Variants in QKI observed in about 807,000 individuals in gnomAD.
The protein encoded by QKI is QKI, KH domain containing RNA binding, also known as KH domain-containing RNA-binding protein QKI.
A neutral mutation model predicts 39.0 loss-of-function variants in QKI; 10 were observed. The ratio of observed to expected loss-of-function variants is 0.26; its 90% CI spans 0.16 to 0.43. The LOEUF (loss-of-function observed/expected upper bound fraction) is 0.43, where lower values mean the gene tolerates loss of function less well. Among genes scored for constraint, QKI ranks in the 20% least tolerant of loss-of-function variants. The pLI, the probability that QKI is intolerant of heterozygous loss-of-function variation, is 1.00. For missense variants in QKI, 218 were observed against 428.0 expected (o/e 0.51, Z 4.33); for synonymous variants, 204 against 155.4 (o/e 1.31, Z -2.33).
intron 3 of QKI, among the ~76,000 whole-genome samples, chr6:163,521,190 G>A (rs1780135711): frequency 6.6e-6 from 1 of 152,096 alleles, no homozygotes; most frequent in South Asian, 2.1e-4. Context: ...CAGCCCATGA[G>A]TATAGAGGTA....
chr6:163,437,227 G>A (rs1789374576), intron 1 of QKI, among the ~76,000 whole-genome samples: 1 of 152,102 alleles, frequency 6.6e-6, no homozygotes, highest in South Asian at 2.1e-4. Flanking sequence ...GCAATTTAAC[G>A]TGTAACACGA....
rs1008071661 is a variant in QKI, at chr6:163,576,686, C to T, written c.*5976C>T. 6 of 152,100 alleles carry T rather than the reference C, an allele frequency of 3.9e-5. No individual in the cohort carries two copies. The highest frequency in any genetic ancestry group is 1.2e-4 in the African/African-American group (5 of 41,402). The allele number at this position is 152,100 out of a possible 1,614,324, so 9.4% of individuals were successfully genotyped here. Reference sequence around the variant, plus strand: ...CCAACTGGAAAAAGTGCATGTGCTTCATCCTCTCAAGCCAACTGCAGCTGG... The same window carrying T: ...CCAACTGGAAAAAGTGCATGTGCTTTATCCTCTCAAGCCAACTGCAGCTGG... On this transcript the variant is annotated 3_prime_UTR_variant, in exon 8 of 8. Coordinates refer to ENST00000361752, the MANE Select transcript of QKI (RefSeq NM_006775.3).
chr6:163,490,109 T>G (rs1777961611), intron 3 of QKI, among the ~76,000 whole-genome samples: 1 of 152,184 alleles, frequency 6.6e-6, no homozygotes, highest in South Asian at 2.1e-4. Context: ...GAATTCGCTA[T>G]GAAAACAGAT....
intron 1 of QKI, among the ~76,000 whole-genome samples, chr6:163,439,144 C>T (rs1789538276): frequency 6.6e-6 from 1 of 152,128 alleles, no homozygotes; most frequent in Non-Finnish European, 1.5e-5. Context: ...TGGGCAAGGG[C>T]TGTATGGCTT....
At chr6:163,481,041 A>C (rs1793039261) in intron 3 of QKI, among the ~76,000 whole-genome samples, 1 of 152,168 alleles carries the variant, frequency 6.6e-6, no homozygotes, top group Admixed American at 6.5e-5. Context: ...GCACTCTTAT[A>C]AGTGTTTATA....
chr6:163,452,328 C>G (rs1277255013), intron 1 of QKI, among the ~76,000 whole-genome samples: 1 of 152,120 alleles, frequency 6.6e-6, no homozygotes, highest in African/African-American at 2.4e-5. Flanking sequence ...TCATTCCCAT[C>G]ATTACTATCT....
At chr6:163,427,183 C>G (rs897460933) in intron 1 of QKI, among the ~76,000 whole-genome samples, 3 of 145,320 alleles carry the variant, frequency 2.1e-5, no homozygotes, top group African/African-American at 7.6e-5. Context: ...AAAATTCATT[C>G]ATTCATTTTT....
rs978887025 is a variant in QKI at position 163,488,990 on chromosome 6, T to A, written c.402+10094T>A. Among the ~76,000 whole-genome samples, 8 of 149,502 alleles carry A rather than the reference T, an allele frequency of 5.4e-5. No individual in the cohort carries two copies. In the South Asian group the frequency reaches 6.4e-4, roughly 12 times the overall value. On this transcript the variant is annotated intron_variant, in intron 3 of 7. Coordinates refer to ENST00000361752, the MANE Select transcript of QKI (RefSeq NM_006775.3). ...TTCCATTTCTTTTTTTTTTTTTTTT[T>A]AAACATAAACAGTTATGTAACAGTT...
intron 3 of QKI, 155 bp from the exon 4 acceptor site, chr6:163,534,827 C>T (rs933068452): frequency 1.7e-6 from 1 of 578,274 alleles, no homozygotes; most frequent in African/African-American, 1.9e-5. Flanking sequence ...TTCAATCAAA[C>T]TTTGAGGACC....
At chr6:163,479,742 C>CATTTACTT (rs1342037841) in intron 3 of QKI, among the ~76,000 whole-genome samples, 2 of 152,184 alleles carry the variant, frequency 1.3e-5, no homozygotes, top group Non-Finnish European at 2.9e-5. Flanking sequence ...CTTCCTTTGT[C>CATTTACTT]ATTTACTTTT....
intron 1 of QKI, among the ~76,000 whole-genome samples, chr6:163,434,500 G>A (rs191647456): frequency 1.8e-4 from 28 of 152,156 alleles, no homozygotes; most frequent in Non-Finnish European, 7.4e-5. Context: ...CGGATCATGA[G>A]GTCAGGAGAT....
chr6:163,445,527 T>C (rs1239960566), intron 1 of QKI, among the ~76,000 whole-genome samples: 1 of 152,208 alleles, frequency 6.6e-6, no homozygotes, highest in Non-Finnish European at 1.5e-5. Flanking sequence ...TGTGTTCTCA[T>C]GATTATAATG....
chr6:163,568,735 C>T (rs1276623183), intron 7 of QKI: 2 of 985,054 alleles, frequency 2.0e-6, no homozygotes, highest in Non-Finnish European at 1.2e-6. Context: ...TCTATATGAA[C>T]GTTTAGAGTA....
At chr6:163,508,197 A>G (rs1313122843) in intron 3 of QKI, among the ~76,000 whole-genome samples, 1 of 152,224 alleles carries the variant, frequency 6.6e-6, no homozygotes, top group East Asian at 1.9e-4. Context: ...AAGAGGGTAA[A>G]TAAGACTGAA....
intron 3 of QKI, among the ~76,000 whole-genome samples, chr6:163,499,435 A>C (rs1457071319): frequency 5.9e-5 from 9 of 152,220 alleles, no homozygotes; most frequent in East Asian, 1.9e-4. Context: ...TGATATGATT[A>C]AATGTAAAAG....
At chr6:163,505,802 G>A (rs984458233) in intron 3 of QKI, among the ~76,000 whole-genome samples, 1 of 152,172 alleles carries the variant, frequency 6.6e-6, no homozygotes, top group African/African-American at 2.4e-5. Flanking sequence ...CTTTGGGGAA[G>A]TAACTAGTGG....
intron 3 of QKI, among the ~76,000 whole-genome samples, chr6:163,503,651 G>A (rs1778920369): frequency 6.6e-6 from 1 of 152,098 alleles, no homozygotes; most frequent in Non-Finnish European, 1.5e-5. Context: ...CAAGGCTGAT[G>A]TCCAGAATGA....
intron 3 of QKI, among the ~76,000 whole-genome samples, chr6:163,497,517 T>TG (rs1444730257): frequency 6.6e-6 from 1 of 152,072 alleles, no homozygotes; most frequent in African/African-American, 2.4e-5. Context: ...TTTTAGTCTT[T>TG]GGAGGAATTT....
intron 1 of QKI, among the ~76,000 whole-genome samples, chr6:163,454,983 T>G (rs750926948): frequency 6.6e-6 from 1 of 152,180 alleles, no homozygotes; most frequent in Non-Finnish European, 1.5e-5. Context: ...TTGGAAAAAT[T>G]AGATGAACTA....
Sources: gnomAD v4.1 joint callset for allele counts (sites outside exome capture counted in the v4.1 genomes callset) on GRCh38, gnomAD v4.1.1 for gene constraint, MANE v1.5 for transcripts, NCBI Gene and HGNC (gene_info 2026-07-23, HGNC 2026-07-21) for gene names.